The following PTPRT variants were observed in gnomAD, a reference collection of about 807,000 sequenced individuals.
PTPRT encodes the protein protein tyrosine phosphatase receptor type T.
PTPRT carries 56 observed loss-of-function variants against 176.8 expected under a neutral mutation model. That is an observed-to-expected ratio of 0.32 (90% CI 0.26 to 0.40). The LOEUF (loss-of-function observed/expected upper bound fraction) is 0.40, where lower values mean the gene tolerates loss of function less well. Ranked by LOEUF, PTPRT falls within the 10% of genes least tolerant of loss-of-function variation. PTPRT has a pLI of 1.00. For missense variants in PTPRT, 1,540 were observed against 1,908.2 expected, an observed-to-expected ratio of 0.81 and a Z score of 3.60; for synonymous variants, 783 against 739.0, an observed-to-expected ratio of 1.06 and a Z score of -0.96.
At position 42,697,858 on chromosome 20, in the gene PTPRT, T is replaced by C. The variant is rs541023135; in HGVS notation, c.860-19699A>G. 5.8e-4 allele frequency among the ~76,000 whole-genome samples: 88 copies of C among 152,334 alleles called. 1 individual carries two copies. The highest frequency in any genetic ancestry group is 1.0e-3 in the Non-Finnish European group (70 of 68,024). ...ATTCTTCATTGAGGAAGAACACATA[T>C]AAGCAATAACAAAGTTCTCTTAAAA... is the stretch of plus-strand genomic sequence containing the variant. On this transcript the variant is annotated intron_variant, in intron 6 of 30. Coordinates refer to ENST00000373187, the MANE Select transcript of PTPRT (RefSeq NM_007050.6).
At chr20:42,132,574 T>C (rs1988170187) in intron 18 of PTPRT, among the ~76,000 whole-genome samples, 2 of 152,214 alleles carry the variant, frequency 1.3e-5, no homozygotes, top group Non-Finnish European at 2.9e-5. Flanking sequence ...TGAAAAGATG[T>C]TTAACATCAT....
chr20:42,739,805 C>A (rs1248412620), intron 6 of PTPRT, among the ~76,000 whole-genome samples: 1 of 152,194 alleles, frequency 6.6e-6, no homozygotes, highest in Non-Finnish European at 1.5e-5. Flanking sequence ...CCAATCAGCC[C>A]TAACACTTCA....
chr20:42,684,771 A>T (rs765020918), intron 6 of PTPRT, among the ~76,000 whole-genome samples: 11 of 152,180 alleles, frequency 7.2e-5, no homozygotes, highest in Non-Finnish European at 5.9e-5. Context: ...TTCAGAAAAA[A>T]TAACAGATAT....
intron 12 of PTPRT, among the ~76,000 whole-genome samples, chr20:42,300,756 G>GTATTAT (rs533576322): frequency 0.054 from 7,955 of 147,984 alleles, 274 homozygotes; most frequent in Middle Eastern, 0.099. Context: ...CTTTTTATTT[G>GTATTAT]TATTATTATT....
chr20:42,870,160 C>T (rs2078820565), intron 2 of PTPRT, among the ~76,000 whole-genome samples: 1 of 152,118 alleles, frequency 6.6e-6, no homozygotes, highest in Admixed American at 6.6e-5. Context: ...AATTCCCTAT[C>T]TCCCTCCTCT....
At chr20:42,877,082 T>C (rs2078944803) in intron 2 of PTPRT, among the ~76,000 whole-genome samples, 1 of 151,802 alleles carries the variant, frequency 6.6e-6, no homozygotes, top group Non-Finnish European at 1.5e-5. Flanking sequence ...TTTTAAAAAA[T>C]ACGAAGTTTC....
chr20:43,145,815 T>A (rs951194463), intron 1 of PTPRT, among the ~76,000 whole-genome samples: 1 of 152,254 alleles, frequency 6.6e-6, no homozygotes, highest in Non-Finnish European at 1.5e-5. Flanking sequence ...AAATTACTTC[T>A]GCCATTCTGC....
intron 7 of PTPRT, among the ~76,000 whole-genome samples, chr20:42,511,090 C>T (rs2071946858): frequency 6.6e-6 from 1 of 152,082 alleles, no homozygotes; most frequent in African/African-American, 2.4e-5. Context: ...CATATTAGTA[C>T]AGTTAGCACA....
chr20:42,301,133 T>C (rs1011431289), intron 12 of PTPRT, among the ~76,000 whole-genome samples: 2 of 152,226 alleles, frequency 1.3e-5, no homozygotes, highest in African/African-American at 4.8e-5. Flanking sequence ...TACAAAGAAA[T>C]AGTAGCTTTA....
chr20:42,527,198 C>T (rs959155475), intron 7 of PTPRT, among the ~76,000 whole-genome samples: 1 of 151,882 alleles, frequency 6.6e-6, no homozygotes, highest in Non-Finnish European at 1.5e-5. Flanking sequence ...CTCCTGACCT[C>T]GTGATCCGCC....
chr20:43,169,801 C>T (rs2014950528), intron 1 of PTPRT, among the ~76,000 whole-genome samples: 1 of 152,154 alleles, frequency 6.6e-6, no homozygotes, highest in South Asian at 2.1e-4. Context: ...CCTTCTAAAC[C>T]TTCTGAGCTT....
In PTPRT at chr20:42,919,742, G is replaced by A. The variant is rs192474106; in HGVS notation, c.89-33810C>T. ...CTTGTAGACAAGTAAGAAGACCTTC[G>A]AATTCCCCACCCTCAAATATAGATT... is the stretch of plus-strand genomic sequence containing the variant. On this transcript the variant is annotated intron_variant, in intron 1 of 30. Coordinates refer to ENST00000373187, the MANE Select transcript of PTPRT (RefSeq NM_007050.6). Among the ~76,000 whole-genome samples the A allele has an allele frequency of 2.2e-3, 340 of 152,244 alleles. 1 individual carries two copies. Among genetic ancestry groups the A allele is most frequent in the African/African-American group, 7.8e-3 (322 of 41,546 alleles).
chr20:43,036,891 G>T (rs1365552898), intron 1 of PTPRT, among the ~76,000 whole-genome samples: 3 of 152,112 alleles, frequency 2.0e-5, no homozygotes, highest in Non-Finnish European at 4.4e-5. Flanking sequence ...AAAAAATACA[G>T]AAATGCAGGA....
chr20:42,120,009 G>T, intron 19 of PTPRT, 38 bp from the exon 20 acceptor site: 1 of 1,575,524 alleles, frequency 6.3e-7, no homozygotes, highest in Non-Finnish European at 8.7e-7. Context: ...AGAGTCTGTT[G>T]TCAAAGCTTG....
intron 1 of PTPRT, 117 bp from the exon 2 acceptor site, chr20:42,886,049 C>CTTTATATATATATATATATA (rs58536258): frequency 6.3e-5 from 27 of 431,242 alleles, no homozygotes; most frequent in African/African-American, 5.9e-4. Context: ...AGAAGATTTT[C>CTTTATATATATATATATATA]CATATATATA....
intron 3 of PTPRT, among the ~76,000 whole-genome samples, chr20:42,781,392 G>A (rs1199535562): frequency 6.6e-6 from 1 of 152,018 alleles, no homozygotes; most frequent in Non-Finnish European, 1.5e-5. Context: ...GGAAAGAGGG[G>A]CTGACTTCTA....
intron 6 of PTPRT, among the ~76,000 whole-genome samples, chr20:42,725,023 G>A (rs2146245023): frequency 6.6e-6 from 1 of 151,730 alleles, no homozygotes; most frequent in East Asian, 1.9e-4. Context: ...GTGTGTGTGT[G>A]TGTGTGTGTG....
chr20:42,928,808 C>G (rs1035706287), intron 1 of PTPRT, among the ~76,000 whole-genome samples: 1 of 152,124 alleles, frequency 6.6e-6, no homozygotes, highest in East Asian at 1.9e-4. Context: ...TCAGGGAAGA[C>G]GCTGCCACTC....
intron 8 of PTPRT, 28 bp downstream of exon 8, chr20:42,472,238 C>T: frequency 6.2e-7 from 1 of 1,602,042 alleles, no homozygotes; most frequent in Non-Finnish European, 8.5e-7. Context: ...TATCCCCATT[C>T]CCATGTAAGC....
Sources: gnomAD v4.1 joint callset for allele counts (sites outside exome capture counted in the v4.1 genomes callset) on GRCh38, gnomAD v4.1.1 for gene constraint, MANE v1.5 for transcripts, NCBI Gene and HGNC (gene_info 2026-07-23, HGNC 2026-07-21) for gene names.